RNF31: variants seen among roughly 807,000 people sequenced by gnomAD.
RNF31 encodes E3 ubiquitin-protein ligase RNF31.
In RNF31, 38 loss-of-function variants were observed where a neutral mutation model predicts 133.6. The ratio of observed to expected loss-of-function variants is 0.28; its 90% confidence interval spans 0.22 to 0.37. The LOEUF is 0.37. Among genes scored for constraint, RNF31 ranks in the 10% least tolerant of loss-of-function variants. The pLI, the probability that RNF31 is intolerant of heterozygous loss-of-function variation, is 1.00. For missense variants in RNF31, 1,118 were observed against 1,394.1 expected (o/e 0.80, Z 3.15); for synonymous variants, 582 against 552.3 (o/e 1.05, Z -0.75).
upstream of RNF31, chr14:24,147,305 G>A (rs2038181024): frequency 1.6e-5 from 3 of 188,436 alleles, no homozygotes; most frequent in Non-Finnish European, 3.2e-5. Context: ...TTGGGGGAAG[G>A]CGGGGAAGAG....
Position 24,151,013 on chromosome 14 carries a change from C to G in RNF31, c.1489-118C>G. The stretch of plus-strand genomic sequence containing the variant: ...CAGCTGCCTGTTACTGAGGCAGTTA[C>G]CATTGCTGTACACTGATGACATGAT... On this transcript the variant is annotated intron_variant, in intron 8 of 20. Transcript: ENST00000324103. The surrounding 1 kb of genome is among the most constrained non-coding windows in gnomAD (Gnocchi z 5.3). The G allele has an allele frequency of 6.6e-7, 1 of 1,515,996 alleles. No homozygotes were observed. 93.9% of individuals were successfully genotyped at this position (1,515,996 alleles called of 1,614,324 possible). A position where few individuals can be genotyped will look rare whatever the true frequency, so the allele number is the denominator to read the frequency against.
chr14:24,151,174 C>T lies in RNF31; in HGVS notation c.1532C>T (p.Ala511Val). 3.1e-6 allele frequency: 5 copies of T among 1,614,176 alleles called. No individual in the cohort carries two copies. The highest frequency in any genetic ancestry group is 2.2e-5 in the South Asian group (2 of 91,086). The change falls in exon 9 of 21, where the codon GCT becomes GTT. Residue 511 changes from alanine to valine, a missense_variant. This residue lies in a region of RNF31 where 747 missense variants were observed against 827.9 expected (regional missense o/e 0.90). Coordinates refer to ENST00000324103, the MANE Select transcript of RNF31 (RefSeq NM_017999.5). This position sits in a 1 kb window ranked among gnomAD's most constrained non-coding sequence, Gnocchi z 5.3. The part of the protein sequence containing the change: ...AGACPEEIFS[A>V]LQYSGTEVPL... ...GCCTGTCCAGAGGAGATCTTCTCGG[C>T]TCTGCAGTACTCGGGCACTGAGGTG...
At chr14:24,147,403 C>T (rs554648912), upstream of RNF31, 1 of 300,570 alleles carries the variant, frequency 3.3e-6, no homozygotes, top group South Asian at 1.4e-4. Context: ...GGCCCTCCCT[C>T]TTGGCCGCGC....
chr14:24,159,524 TA>T (rs201123821), intron 18 of RNF31, among the ~76,000 whole-genome samples: 11 of 51,556 alleles, frequency 2.1e-4, no homozygotes, highest in Non-Finnish European at 4.0e-5. Flanking sequence ...AAAATAAAAA[TA>T]AAAAAAAGAG....
In RNF31 at chr14:24,151,940, G is replaced by A; in HGVS notation, c.2078G>A (p.Arg693His). The change falls in exon 11 of 21, where the codon CGC (arginine) becomes CAC (histidine). Residue 693 changes from arginine to histidine, a missense_variant. By Grantham distance (29) the Arg-to-His change is conservative (BLOSUM62 0). Around this residue, in one of 3 missense-constraint regions of RNF31, gnomAD observed 201 missense variants for 371.7 expected, o/e 0.54. Coordinates refer to ENST00000324103, the MANE Select transcript of RNF31 (RefSeq NM_017999.5). This position sits in a 1 kb window ranked among gnomAD's most constrained non-coding sequence, Gnocchi z 5.3. ...AGCCAGGACCGGGCCTTCCTGCGCC[G>A]CTTGCTTGCCCAGGAGTGTGCCGTG... ...RHSQDRAFLRRLLAQECAVCG... is the reference protein window; with the variant it reads ...RHSQDRAFLRHLLAQECAVCG... 4 of 1,614,152 alleles carry A rather than the reference G, an allele frequency of 2.5e-6. No individual in the cohort carries two copies. Among genetic ancestry groups the A allele is most frequent in the Admixed American group, 1.7e-5 (1 of 60,028 alleles).
In RNF31 at chr14:24,157,414, CCCTA is replaced by C. The variant is rs2038359790; in HGVS notation, c.2608+12_2608+15del. ...CAGGAAAACGGCATTGGTAAGGCCTCCCTACTCGGCCTGTTTGCTCAGAAGCCTG... is the reference window on the plus strand; with the variant it reads ...CAGGAAAACGGCATTGGTAAGGCCTCCTCGGCCTGTTTGCTCAGAAGCCTG... On this transcript the variant is annotated intron_variant, in intron 15 of 20. Transcript: ENST00000324103. 1.9e-6 allele frequency: 3 copies of C among 1,605,252 alleles called. No homozygotes were observed. The highest frequency in any genetic ancestry group is 2.6e-6 in the Non-Finnish European group (3 of 1,172,656).
chr14:24,146,976 A>T, upstream of RNF31: 1 of 278,248 alleles, frequency 3.6e-6, no homozygotes, highest in East Asian at 1.1e-4. Context: ...GCTCGACCGC[A>T]AGTAGCGGAC....
At chr14:24,148,204 A>C in intron 2 of RNF31, 54 bp from the exon 3 acceptor site, 5 of 1,613,320 alleles carry the variant, frequency 3.1e-6, no homozygotes, top group Non-Finnish European at 2.5e-6. Context: ...GAAGGGGTCC[A>C]GCCCTACTAG....
At chr14:24,149,695 GC>G in intron 6 of RNF31, 112 bp downstream of exon 6, 2 of 1,092,992 alleles carry the variant, frequency 1.8e-6, no homozygotes, top group Non-Finnish European at 2.6e-6. Flanking sequence ...AGGACAAGTA[GC>G]CAGTCAGAAC....
In RNF31 at chr14:24,160,432, T is replaced by G. The variant is rs1183814913; in HGVS notation, c.3165+25T>G. The G allele has an allele frequency of 6.2e-7, 1 of 1,609,278 alleles. No individual in the cohort carries two copies. Among genetic ancestry groups the G allele is most frequent in the African/African-American group, 1.3e-5 (1 of 74,922 alleles). ...GGTATAGCCTCCACCCAGCCTCATC[T>G]CTTAACCCACCCTACAGAAGTCACC... On this transcript the variant is annotated intron_variant, in intron 20 of 20. Coordinates refer to ENST00000324103, the MANE Select transcript of RNF31 (RefSeq NM_017999.5). The surrounding 1 kb of genome is among the most constrained non-coding windows in gnomAD (Gnocchi z 4.0).
Position 24,147,535 on chromosome 14 carries a change from C to A in RNF31, c.-164C>A. 1 of 528,940 alleles carries A rather than the reference C, an allele frequency of 1.9e-6. No homozygotes were observed. Among genetic ancestry groups the A allele is most frequent in the Non-Finnish European group, 3.0e-6 (1 of 329,544 alleles). 32.8% of individuals were successfully genotyped at this position (528,940 alleles called of 1,614,324 possible). A position where few individuals can be genotyped will look rare whatever the true frequency, so the allele number is the denominator to read the frequency against. On this transcript the variant is annotated 5_prime_UTR_variant, in exon 1 of 21. Transcript: ENST00000324103. ...GTTCTCGGCTAACCCTGGCGCTGGG[C>A]CGGGGGCTGGAGAGTGACCGTGGTC...
In RNF31 at chr14:24,147,718, A is replaced by G; in HGVS notation, c.20A>G (p.Glu7Gly). The change falls in exon 1 of 21, where the codon GAG becomes GGG. Residue 7 changes from glutamate to glycine, a missense_variant. Glu to Gly is a moderately conservative substitution (Grantham distance 98). Around this residue, in one of 3 missense-constraint regions of RNF31, gnomAD observed 747 missense variants for 827.9 expected, o/e 0.90. Transcript: ENST00000324103. MPGEEE[E>G]RAFLVAREEL... ...CTCAGGATGCCGGGGGAGGAAGAGG[A>G]GCGGGCCTTCCTGGTGGCCCGCGAG... 6.5e-7 allele frequency: 1 copy of G among 1,537,202 alleles called. No homozygotes were observed. The highest frequency in any genetic ancestry group is 8.7e-7 in the Non-Finnish European group (1 of 1,147,400).
In RNF31 at chr14:24,158,012, G is replaced by C; in HGVS notation, c.2841+1G>C. On this transcript the variant is annotated splice_donor_variant, in intron 17 of 20. Coordinates refer to ENST00000324103, the MANE Select transcript of RNF31 (RefSeq NM_017999.5). LOFTEE classifies it high-confidence loss of function. ...TCTCCGGCTTCAGAAGCTGCTACAG[G>C]TCAGAGGTGGCCAGGAGAGAAGAAG... 6.2e-7 allele frequency: 1 copy of C among 1,614,000 alleles called. No individual in the cohort carries two copies. Among genetic ancestry groups the C allele is most frequent in the Non-Finnish European group, 8.5e-7 (1 of 1,179,932 alleles).
intron 6 of RNF31, 78 bp downstream of exon 6, chr14:24,149,661 T>G: frequency 7.0e-7 from 1 of 1,428,334 alleles, no homozygotes; most frequent in East Asian, 2.3e-5. Context: ...CCTGCCAGTT[T>G]CTGTGCTAAA....
intron 11 of RNF31, among the ~76,000 whole-genome samples, chr14:24,152,264 G>C (rs979435546): frequency 6.6e-6 from 1 of 152,082 alleles, no homozygotes; most frequent in Non-Finnish European, 1.5e-5. Flanking sequence ...TCCACTTCCA[G>C]TGTATTTGTC....
At position 24,150,173 on chromosome 14, in the gene RNF31, G is replaced by T; in HGVS notation, c.922G>T (p.Ala308Ser). Residue 308 changes from alanine to serine, a missense_variant, in exon 7 of 21, where the codon GCC becomes TCC. By Grantham distance (99) the Ala-to-Ser change is moderately conservative (BLOSUM62 1). Coordinates refer to ENST00000324103, the MANE Select transcript of RNF31 (RefSeq NM_017999.5). ...ASAHLPWHCA[A>S]CAMLNEPWAV... ...TGCTCATTTGCCCTGGCACTGTGCT[G>T]CCTGTGCCATGCTAAATGAGCCTTG... 6.2e-7 allele frequency: 1 copy of T among 1,614,172 alleles called. No homozygotes were observed. The highest frequency in any genetic ancestry group is 8.5e-7 in the Non-Finnish European group (1 of 1,180,018).
In RNF31 at chr14:24,150,589, C is replaced by T; in HGVS notation, c.1198-9C>T. The T allele has an allele frequency of 6.2e-7, 1 of 1,603,100 alleles. No individual in the cohort carries two copies. The highest frequency in any genetic ancestry group is 1.1e-5 in the South Asian group (1 of 90,704). Reference sequence around the variant, plus strand: ...CCAGTCAAAGGGATAATTCTCTCTGCCTTCCCAGCAGGGGGATGCTTTGCT... The same window carrying T: ...CCAGTCAAAGGGATAATTCTCTCTGTCTTCCCAGCAGGGGGATGCTTTGCT... On this transcript the variant is annotated splice_polypyrimidine_tract_variant and intron_variant, in intron 7 of 20. Coordinates refer to ENST00000324103, the MANE Select transcript of RNF31 (RefSeq NM_017999.5).
chr14:24,148,592 C>A (rs372679412), intron 3 of RNF31, 50 bp from the exon 4 acceptor site: 7 of 1,602,902 alleles, frequency 4.4e-6, no homozygotes, highest in Non-Finnish European at 6.0e-6. Flanking sequence ...AGAGGGAGGG[C>A]TTTGTTCTAG....
rs755563874 is a variant in RNF31 at position 24,151,659 on chromosome 14, C to G, written c.1912C>G (p.Pro638Ala). Residue 638 changes from proline to alanine, a missense_variant, in exon 10 of 21, where the codon CCA becomes GCA. This residue lies in a region of RNF31 where 747 missense variants were observed against 827.9 expected (regional missense o/e 0.90). Transcript: ENST00000324103. The surrounding 1 kb of genome is among the most constrained non-coding windows in gnomAD (Gnocchi z 5.3). ...TGAGCCCACCCCTTCCTGGGATGGG[C>G]CAGACAAGCAGGTGCTGGGAGGAGG... ...GPEPTPSWDG[P>A]DKQSLVRRLL... 3 of 1,610,944 alleles carry G rather than the reference C, an allele frequency of 1.9e-6. No homozygotes were observed. In the African/African-American group the frequency reaches 4.0e-5, roughly 22 times the overall value.
Sources: allele counts gnomAD v4.1 joint callset (sites outside exome capture counted in the v4.1 genomes callset), GRCh38; gene constraint gnomAD v4.1.1; regional missense constraint gnomAD v4.1.1; non-coding constraint Gnocchi (gnomAD v3.1); transcripts MANE v1.5; gene names NCBI Gene and HGNC (gene_info 2026-07-23, HGNC 2026-07-21).